Variants in ADGRV1 observed in about 807,000 individuals in gnomAD.
The protein encoded by ADGRV1 is adhesion G protein-coupled receptor V1.
Under a neutral mutation model 596.2 loss-of-function variants are expected in ADGRV1, and 359 were observed. That is an observed-to-expected ratio of 0.60 (90% CI 0.55 to 0.66). The LOEUF is 0.66. Ranked by LOEUF, ADGRV1 falls within the 30% of genes least tolerant of loss-of-function variation. The pLI is 0.00. For synonymous variants in ADGRV1, 2,681 were observed against 2,679.2 expected, an observed-to-expected ratio of 1.00 and a Z score of -0.02; for missense variants, 7,274 against 7,575.6, an observed-to-expected ratio of 0.96 and a Z score of 1.48.
At chr5:90,767,925 A>G (rs962269850) in intron 59 of ADGRV1, among the ~76,000 whole-genome samples, 1 of 152,328 alleles carries the variant, frequency 6.6e-6, no homozygotes, top group East Asian at 1.9e-4. Flanking sequence ...CTTCTGACAC[A>G]TGATGACTCA....
intron 83 of ADGRV1, among the ~76,000 whole-genome samples, chr5:90,913,356 G>C (rs1773068556): frequency 6.6e-6 from 1 of 152,048 alleles, no homozygotes; most frequent in South Asian, 2.1e-4. Flanking sequence ...TGAATTTCTA[G>C]ACTTTTTACT....
chr5:91,152,090 G>A (rs1230905575), intron 88 of ADGRV1, among the ~76,000 whole-genome samples: 1 of 152,162 alleles, frequency 6.6e-6, no homozygotes, highest in Non-Finnish European at 1.5e-5. Context: ...TGCTCACTTG[G>A]GTGTTGTGCA....
intron 33 of ADGRV1, among the ~76,000 whole-genome samples, chr5:90,695,455 G>A (rs1034431140): frequency 6.6e-6 from 1 of 151,846 alleles, no homozygotes; most frequent in Non-Finnish European, 1.5e-5. Context: ...ATCCTCATTT[G>A]GGCAGTTATA....
At chr5:90,937,090 C>T (rs1037684424) in intron 83 of ADGRV1, among the ~76,000 whole-genome samples, 33 of 152,072 alleles carry the variant, frequency 2.2e-4, no homozygotes, top group African/African-American at 7.2e-4. Context: ...TTCTACTAGA[C>T]TTTAAGATTC....
At chr5:90,994,060 C>CT (rs542927882) in intron 85 of ADGRV1, among the ~76,000 whole-genome samples, 4,600 of 134,550 alleles carry the variant, frequency 0.034, 174 homozygotes, top group African/African-American at 0.093. Context: ...CTTTTCTTTT[C>CT]TTTTTTTTTT....
At chr5:91,040,785 A>G (rs1209064369) in intron 85 of ADGRV1, among the ~76,000 whole-genome samples, 1 of 152,202 alleles carries the variant, frequency 6.6e-6, no homozygotes. Context: ...AAGAGTAATT[A>G]TGGAAGATGA....
At position 90,829,112 on chromosome 5, in the gene ADGRV1, G is replaced by T. The variant is rs372113605; in HGVS notation, c.16537G>T (p.Ala5513Ser). Residue 5513 changes from alanine (A) to serine (S), a missense_variant, in exon 77 of 90, where the codon GCC becomes TCC. This residue lies in a region of ADGRV1 where 1,874 missense variants were observed against 1,970.2 expected (regional missense o/e 0.95). Coordinates refer to ENST00000405460, the MANE Select transcript of ADGRV1 (RefSeq NM_032119.4). ...GSRLAVAHKKATLISLQVARD... is the reference protein window; with the variant it reads ...GSRLAVAHKKSTLISLQVARD... ...TCGGCTGGCAGTGGCTCACAAGAAGGCCACTTTAATCAGTCTGCAGGTGGC... is the reference window on the plus strand; with the variant it reads ...TCGGCTGGCAGTGGCTCACAAGAAGTCCACTTTAATCAGTCTGCAGGTGGC... 3.2e-5 allele frequency: 51 copies of T among 1,611,890 alleles called. No individual in the cohort carries two copies. The highest frequency in any genetic ancestry group is 4.0e-5 in the Non-Finnish European group (47 of 1,178,646).
chr5:91,014,176 C>A (rs12189014), intron 85 of ADGRV1, among the ~76,000 whole-genome samples: 6,059 of 123,282 alleles, frequency 0.049, 683 homozygotes, highest in East Asian at 0.11. Flanking sequence ...ACACACACAC[C>A]CCTAGACATA....
At chr5:90,910,297 T>A (rs10474336) in intron 83 of ADGRV1, among the ~76,000 whole-genome samples, 45,048 of 152,106 alleles carry the variant, frequency 0.3, 7,121 homozygotes, top group Non-Finnish European at 0.35. Flanking sequence ...TAATCAGATA[T>A]AACCGAACTT....
chr5:91,043,837 C>T (rs1785567445), intron 85 of ADGRV1, among the ~76,000 whole-genome samples: 1 of 151,726 alleles, frequency 6.6e-6, no homozygotes, highest in African/African-American at 2.4e-5. Flanking sequence ...TCAAATAGGC[C>T]TTTCCTGGTC....
chr5:90,880,239 T>C (rs751668330), intron 83 of ADGRV1, among the ~76,000 whole-genome samples: 7 of 152,182 alleles, frequency 4.6e-5, no homozygotes, highest in Non-Finnish European at 8.8e-5. Flanking sequence ...GTGTGTCTGA[T>C]TCTCTTTTAA....
intron 82 of ADGRV1, among the ~76,000 whole-genome samples, chr5:90,858,602 C>T (rs1346462690): frequency 6.6e-6 from 1 of 152,074 alleles, no homozygotes; most frequent in Non-Finnish European, 1.5e-5. Flanking sequence ...TCCACCTCAC[C>T]CTCCCAAAGT....
rs78731566 is a variant in ADGRV1, at chr5:91,036,082, A to G, written c.18153-36365A>G. Among the ~76,000 whole-genome samples the G allele has an allele frequency of 1.0e-2, 1,391 of 139,586 alleles. 24 individuals carry two copies. The highest frequency in any genetic ancestry group is 0.034 in the African/African-American group (1,315 of 38,826). 91.6% of individuals were successfully genotyped at this position (139,586 alleles called of 152,430 possible). ...TCATTATGTTTAAATGTATTCTAATATACACTAAATGAATTCACAATATAC... is the reference window on the plus strand; with the variant it reads ...TCATTATGTTTAAATGTATTCTAATGTACACTAAATGAATTCACAATATAC... On this transcript the variant is annotated intron_variant, in intron 85 of 89. Coordinates refer to ENST00000405460, the MANE Select transcript of ADGRV1 (RefSeq NM_032119.4).
intron 87 of ADGRV1, among the ~76,000 whole-genome samples, chr5:91,129,836 T>A (rs1794063774): frequency 6.6e-6 from 1 of 152,226 alleles, no homozygotes. Context: ...TTAACACTAT[T>A]TAGTGTCAGA....
intron 89 of ADGRV1, among the ~76,000 whole-genome samples, 162 bp downstream of exon 89, chr5:91,153,560 C>G (rs554796537): frequency 6.6e-6 from 1 of 152,262 alleles, no homozygotes; most frequent in South Asian, 2.1e-4. Context: ...ATATTTTGTT[C>G]TTGGCACCAA....
At chr5:91,005,526 A>T (rs373012293) in intron 85 of ADGRV1, among the ~76,000 whole-genome samples, 7 of 152,188 alleles carry the variant, frequency 4.6e-5, no homozygotes, top group African/African-American at 1.7e-4. Flanking sequence ...ATTTTAGTAG[A>T]GACAGGATTT....
intron 1 of ADGRV1, among the ~76,000 whole-genome samples, chr5:90,570,907 A>C (rs1253525635): frequency 6.6e-6 from 1 of 152,064 alleles, no homozygotes; most frequent in Non-Finnish European, 1.5e-5. Flanking sequence ...TTGTCTAGTA[A>C]GTCTAACATC....
intron 87 of ADGRV1, among the ~76,000 whole-genome samples, chr5:91,113,804 A>C (rs1321067565): frequency 6.6e-6 from 1 of 152,100 alleles, no homozygotes; most frequent in African/African-American, 2.4e-5. Flanking sequence ...CTTTAGTCCC[A>C]GCTACTCAGG....
chr5:91,156,375 AAAAC>A (rs532658272), intron 89 of ADGRV1, among the ~76,000 whole-genome samples: 51 of 152,288 alleles, frequency 3.3e-4, no homozygotes, highest in African/African-American at 1.1e-3. Flanking sequence ...TTCAGAAAGA[AAAAC>A]AAAGAGGAAG....
Sources: allele counts gnomAD v4.1 joint callset (sites outside exome capture counted in the v4.1 genomes callset), GRCh38; gene constraint gnomAD v4.1.1; regional missense constraint gnomAD v4.1.1; transcripts MANE v1.5; gene names NCBI Gene and HGNC (gene_info 2026-07-23, HGNC 2026-07-21).